The following ZNF362 variants were observed in gnomAD, a reference collection of about 807,000 sequenced individuals.
The protein encoded by ZNF362 is rotund homolog.
In ZNF362, 11 loss-of-function variants were observed where a neutral mutation model predicts 42.9. The ratio of observed to expected loss-of-function variants is 0.26; its 90% CI spans 0.16 to 0.42. The LOEUF (loss-of-function observed/expected upper bound fraction) is 0.42, where lower values mean the gene tolerates loss of function less well. ZNF362 is among the 20% of genes least tolerant of loss of function. The pLI is 1.00. For synonymous variants in ZNF362, 255 were observed against 257.3 expected, an observed-to-expected ratio of 0.99 and a Z score of 0.09; for missense variants, 362 against 576.2, an observed-to-expected ratio of 0.63 and a Z score of 3.81.
the ZNF362 span, among the ~76,000 whole-genome samples, chr1:33,139,196 A>C: frequency 1.3e-5 from 2 of 152,146 alleles, no homozygotes; most frequent in Admixed American, 1.3e-4. Context: ...CACAAAATCT[A>C]GGTGTCGGGG....
At chr1:33,295,349 C>G (rs182142214) in intron 8 of ZNF362, 44 bp downstream of exon 8, 2 of 1,596,842 alleles carry the variant, frequency 1.3e-6, no homozygotes, top group Non-Finnish European at 1.7e-6. Flanking sequence ...GGAGCCACTT[C>G]GTCTTCCAGG....
intron 6 of ZNF362, among the ~76,000 whole-genome samples, chr1:33,287,682 T>C (rs956161503): frequency 6.6e-5 from 10 of 152,244 alleles, no homozygotes; most frequent in African/African-American, 9.6e-5. Flanking sequence ...CTAATGATCA[T>C]TGCAGCAGGG....
At chr1:33,288,762 A>AAAAAAAAAAAG in intron 6 of ZNF362, among the ~76,000 whole-genome samples, 1 of 148,866 alleles carries the variant, frequency 6.7e-6, no homozygotes, top group Non-Finnish European at 1.5e-5. Context: ...AAAAAAAAAA[A>AAAAAAAAAAAG]GAAGCGTGAC....
the ZNF362 span, among the ~76,000 whole-genome samples, chr1:33,189,778 A>G: frequency 1.4e-5 from 2 of 145,888 alleles, no homozygotes; most frequent in Admixed American, 6.9e-5. Context: ...GCTTTGGGTG[A>G]CCCTCACCAG....
At chr1:33,255,623 G>C (rs1005799956), upstream of ZNF362, among the ~76,000 whole-genome samples, 4 of 152,156 alleles carry the variant, frequency 2.6e-5, no homozygotes, top group Non-Finnish European at 5.9e-5. Flanking sequence ...GTCTGGAGCC[G>C]GGGGACAGCC....
chr1:33,293,800 G>C (rs1182374881), intron 6 of ZNF362, among the ~76,000 whole-genome samples: 2 of 152,162 alleles, frequency 1.3e-5, no homozygotes, highest in African/African-American at 4.8e-5. Context: ...CCAGGCTGCT[G>C]AGCTCCATTT....
chr1:33,172,298 G>A, the ZNF362 span, among the ~76,000 whole-genome samples: 1 of 152,216 alleles, frequency 6.6e-6, no homozygotes, highest in Non-Finnish European at 1.5e-5. Flanking sequence ...GAAGATGGAT[G>A]GCCAGGGTTC....
the ZNF362 span, among the ~76,000 whole-genome samples, chr1:33,212,734 T>A: frequency 6.6e-6 from 1 of 152,188 alleles, no homozygotes; most frequent in African/African-American, 2.4e-5. Flanking sequence ...ACCAAGGGAA[T>A]GGCACTAAGC....
chr1:33,211,058 C>T, the ZNF362 span, among the ~76,000 whole-genome samples: 5 of 151,924 alleles, frequency 3.3e-5, no homozygotes, highest in East Asian at 1.9e-4. Flanking sequence ...CTCAGCCTCC[C>T]GAGTAGCTGG....
the ZNF362 span, among the ~76,000 whole-genome samples, chr1:33,161,939 A>G: frequency 1.3e-5 from 2 of 151,942 alleles, no homozygotes; most frequent in African/African-American, 4.8e-5. The surrounding 1 kb of genome is among the most constrained non-coding windows in gnomAD (Gnocchi z 4.3). Context: ...ACCTGCCCCC[A>G]TTTTCAACTT....
chr1:33,212,165 G>A, the ZNF362 span, among the ~76,000 whole-genome samples: 1 of 152,140 alleles, frequency 6.6e-6, no homozygotes, highest in East Asian at 1.9e-4. Context: ...AACCATGTAA[G>A]ACATGCCTGC....
At chr1:33,189,542 A>G in the ZNF362 span, among the ~76,000 whole-genome samples, 1 of 149,866 alleles carries the variant, frequency 6.7e-6, no homozygotes, top group Non-Finnish European at 1.5e-5. Flanking sequence ...AACTCTTGTC[A>G]GTTGTTAAGC....
intron 2 of ZNF362, chr1:33,274,931 A>C: frequency 1.0e-6 from 1 of 984,818 alleles, no homozygotes; most frequent in East Asian, 1.1e-4. Context: ...TTCTTTCTTA[A>C]AATATTGAGA....
intron 6 of ZNF362, among the ~76,000 whole-genome samples, chr1:33,284,755 T>G (rs891036807): frequency 6.6e-6 from 1 of 152,198 alleles, no homozygotes; most frequent in African/African-American, 2.4e-5. Flanking sequence ...AAAAGACCTT[T>G]AGAAAATTAG....
intron 8 of ZNF362, 81 bp downstream of exon 8, chr1:33,295,386 C>T: frequency 6.7e-7 from 1 of 1,496,668 alleles, no homozygotes; most frequent in Non-Finnish European, 9.0e-7. Flanking sequence ...ATTGTCAGAT[C>T]TGTGTCGACT....
At chr1:33,147,301 A>G in the ZNF362 span, 4 of 1,613,984 alleles carry the variant, frequency 2.5e-6, no homozygotes, top group Non-Finnish European at 2.5e-6. The surrounding 1 kb of genome is among the most constrained non-coding windows in gnomAD (Gnocchi z 8.1). Flanking sequence ...GAGCCAGGAC[A>G]TGTCATCAGC....
At chr1:33,209,214 G>T in the ZNF362 span, among the ~76,000 whole-genome samples, 1 of 152,152 alleles carries the variant, frequency 6.6e-6, no homozygotes, top group Non-Finnish European at 1.5e-5. Flanking sequence ...TTATGTGATG[G>T]ATTACACTTA....
At chr1:33,255,967 G>T (rs1030844493), upstream of ZNF362, among the ~76,000 whole-genome samples, 1 of 151,592 alleles carries the variant, frequency 6.6e-6, no homozygotes, top group African/African-American at 2.4e-5. Context: ...GTGGGGTGGC[G>T]AGGCGGCCGC....
Position 33,276,263 on chromosome 1 carries a change from G to A in ZNF362, c.103-85G>A, listed in dbSNP as rs1319568309. On this transcript the variant is annotated intron_variant, in intron 3 of 8. Transcript: ENST00000539719. ...GCCTGCGGGGAGCGGGGTGAGGAGC[G>A]AGGGGCTCGCGGGTGGACCAGCGGG... 27 of 1,574,108 alleles carry A rather than the reference G, an allele frequency of 1.7e-5. No homozygotes were observed. In the Admixed American group the frequency reaches 2.1e-4, roughly 13 times the overall value.
Sources: gnomAD v4.1 joint callset for allele counts (sites outside exome capture counted in the v4.1 genomes callset) on GRCh38, gnomAD v4.1.1 for gene constraint, Gnocchi (gnomAD v3.1) non-coding constraint, MANE v1.5 for transcripts, NCBI Gene and HGNC (gene_info 2026-07-23, HGNC 2026-07-21) for gene names.